Variants in GDAP2 observed in about 807,000 individuals in gnomAD.
GDAP2 encodes ganglioside-induced differentiation-associated protein 2.
GDAP2 carries 51 observed loss-of-function variants against 67.0 expected under a neutral mutation model. The observed-to-expected ratio is 0.76, with a 90% CI of 0.61 to 0.96. The LOEUF is 0.96. Among genes scored for constraint, GDAP2 ranks in the 40% least tolerant of loss-of-function variants. GDAP2 has a pLI of 0.00. For missense variants in GDAP2, 547 were observed against 588.3 expected (o/e 0.93, Z 0.73); for synonymous variants, 203 against 207.3 (o/e 0.98, Z 0.18).
At chr1:117,895,403 AAC>A (rs987253664) in intron 8 of GDAP2, among the ~76,000 whole-genome samples, 14 of 152,182 alleles carry the variant, frequency 9.2e-5, no homozygotes, top group African/African-American at 3.4e-4. Context: ...ATTAAAAAAA[AAC>A]ACTGCTATCT....
chr1:117,883,001 G>A (rs1426240934), intron 11 of GDAP2: 1 of 152,240 alleles, frequency 6.6e-6, no homozygotes, highest in Non-Finnish European at 1.5e-5. Context: ...ATCATTTCAA[G>A]GGAAATATGC....
intron 5 of GDAP2, among the ~76,000 whole-genome samples, chr1:117,910,612 C>G (rs1289870167): frequency 6.6e-6 from 1 of 152,140 alleles, no homozygotes; most frequent in Non-Finnish European, 1.5e-5. Flanking sequence ...GGATATAAGG[C>G]TTTCAGCTCT....
intron 1 of GDAP2, among the ~76,000 whole-genome samples, chr1:117,925,696 T>C (rs536821836): frequency 6.6e-6 from 1 of 152,290 alleles, no homozygotes; most frequent in Non-Finnish European, 1.5e-5. Flanking sequence ...TGAGTTTGGA[T>C]CCAGGACCAT....
chr1:117,894,509 G>A (rs1381126434), intron 8 of GDAP2, among the ~76,000 whole-genome samples: 6 of 152,258 alleles, frequency 3.9e-5, no homozygotes, highest in African/African-American at 7.2e-5. Flanking sequence ...GAATGTCTTC[G>A]ATGTAGAAGT....
At chr1:117,915,720 C>T (rs567811053) in intron 3 of GDAP2, among the ~76,000 whole-genome samples, 1 of 152,110 alleles carries the variant, frequency 6.6e-6, no homozygotes, top group Non-Finnish European at 1.5e-5. Context: ...CATAAAATTT[C>T]TAAATTCACA....
At chr1:117,907,586 G>A (rs2101149508) in intron 5 of GDAP2, among the ~76,000 whole-genome samples, 1 of 152,270 alleles carries the variant, frequency 6.6e-6, no homozygotes, top group South Asian at 2.1e-4. Context: ...CTAGAATCCT[G>A]AATTGTCTTT....
At chr1:117,889,952 A>G (rs574303957) in intron 8 of GDAP2, among the ~76,000 whole-genome samples, 21 of 152,266 alleles carry the variant, frequency 1.4e-4, no homozygotes, top group African/African-American at 5.1e-4. Flanking sequence ...TGTTTGCATC[A>G]TAGTAGGTAC....
chr1:117,920,476 GAATTCTATT>G, intron 1 of GDAP2, 52 bp from the exon 2 acceptor site: 1 of 611,312 alleles, frequency 1.6e-6, no homozygotes, highest in Admixed American at 3.4e-5. Flanking sequence ...GATATTACTT[GAATTCTATT>G]AAAGCAGTAA....
At chr1:117,878,653 T>A (rs1242024424) in intron 12 of GDAP2, among the ~76,000 whole-genome samples, 1 of 152,220 alleles carries the variant, frequency 6.6e-6, no homozygotes, top group Non-Finnish European at 1.5e-5. Flanking sequence ...TTTCTCGAAG[T>A]CCATCAAAGT....
Position 117,863,869 on chromosome 1 carries a change from G to C in GDAP2, c.*6700C>G, listed in dbSNP as rs552391121. The C allele has an allele frequency of 4.6e-5, 7 of 152,292 alleles. No homozygotes were observed. In the East Asian group the frequency reaches 9.6e-4, roughly 21 times the overall value. The allele number at this position is 152,292 out of a possible 1,614,324, so 9.4% of individuals were successfully genotyped here. ...ATTTCTAATCAAAGCAGTGGTGGCT[G>C]CTATTTATAAACACTACTATGCATG... is the stretch of plus-strand genomic sequence containing the variant. On this transcript the variant is annotated 3_prime_UTR_variant, in exon 14 of 14. Coordinates refer to ENST00000369443, the MANE Select transcript of GDAP2 (RefSeq NM_017686.4).
At chr1:117,906,261 C>T (rs1649653805) in intron 6 of GDAP2, among the ~76,000 whole-genome samples, 1 of 152,150 alleles carries the variant, frequency 6.6e-6, no homozygotes, top group South Asian at 2.1e-4. Flanking sequence ...AACAACTCCA[C>T]TTTGTACGAT....
chr1:117,900,375 A>G (rs560822334), intron 6 of GDAP2, among the ~76,000 whole-genome samples: 1 of 152,116 alleles, frequency 6.6e-6, no homozygotes, highest in South Asian at 2.1e-4. Context: ...TCACTCTAAA[A>G]CCCATCAGAA....
intron 6 of GDAP2, among the ~76,000 whole-genome samples, chr1:117,904,113 A>T (rs1322103925): frequency 6.6e-6 from 1 of 151,528 alleles, no homozygotes; most frequent in Non-Finnish European, 1.5e-5. Context: ...CAGCCTCCCT[A>T]GTAGCTGGGA....
intron 9 of GDAP2, among the ~76,000 whole-genome samples, chr1:117,887,489 T>C (rs1648902704): frequency 6.6e-6 from 1 of 152,176 alleles, no homozygotes; most frequent in Non-Finnish European, 1.5e-5. Context: ...GAAATAAAGT[T>C]GGCCAATGCA....
intron 5 of GDAP2, among the ~76,000 whole-genome samples, chr1:117,907,255 C>T (rs80144266): frequency 0.014 from 2,075 of 152,246 alleles, 38 homozygotes; most frequent in South Asian, 0.093. Flanking sequence ...AATGTTGTCC[C>T]CCAGGGTTCT....
At chr1:117,925,015 A>G (rs1650394201) in intron 1 of GDAP2, among the ~76,000 whole-genome samples, 1 of 152,214 alleles carries the variant, frequency 6.6e-6, no homozygotes, top group Admixed American at 6.5e-5. Context: ...AAAAGCTCTT[A>G]GCTATAATCT....
chr1:117,922,417 G>A (rs1177705453), intron 1 of GDAP2, among the ~76,000 whole-genome samples: 1 of 152,208 alleles, frequency 6.6e-6, no homozygotes, highest in Non-Finnish European at 1.5e-5. Context: ...TACTTGAGAA[G>A]TATCAGTTAA....
intron 1 of GDAP2, among the ~76,000 whole-genome samples, chr1:117,927,184 G>C (rs530467664): frequency 4.2e-4 from 64 of 150,926 alleles, no homozygotes; most frequent in African/African-American, 1.5e-3. Context: ...AATTCAAATG[G>C]TGCAGTGTAA....
In GDAP2 at chr1:117,887,075, T is replaced by C. The variant is rs571859235; in HGVS notation, c.1031-422A>G. Among the ~76,000 whole-genome samples the C allele has an allele frequency of 6.6e-5, 10 of 152,110 alleles. No homozygotes were observed. The South Asian group carries it at 1.0e-3, about 16-fold the overall frequency. ...TCCAAAGCAGCTGGGACTACAGGCA[T>C]GCACCACCACACCTGGCTAATTTTT... On this transcript the variant is annotated intron_variant, in intron 9 of 13. Transcript: ENST00000369443.
Sources: allele counts gnomAD v4.1 joint callset (sites outside exome capture counted in the v4.1 genomes callset), GRCh38; gene constraint gnomAD v4.1.1; transcripts MANE v1.5; gene names NCBI Gene and HGNC (gene_info 2026-07-23, HGNC 2026-07-21).